Variants in PTPRN2 observed in about 807,000 individuals in gnomAD.
The protein encoded by PTPRN2 is protein tyrosine phosphatase receptor type N2.
In PTPRN2, 74 loss-of-function variants were observed where a neutral mutation model predicts 118.8. The ratio of observed to expected loss-of-function variants is 0.62; its 90% CI spans 0.52 to 0.76. The LOEUF (loss-of-function observed/expected upper bound fraction) is 0.76. PTPRN2 is among the 30% of genes least tolerant of loss of function. PTPRN2 has a pLI of 0.00. For missense variants in PTPRN2, 1,481 were observed against 1,394.4 expected, an observed-to-expected ratio of 1.06 and a Z score of -0.99; for synonymous variants, 641 against 608.0, an observed-to-expected ratio of 1.05 and a Z score of -0.80.
chr7:157,771,529 G>A (rs894300631), intron 12 of PTPRN2, among the ~76,000 whole-genome samples: 3 of 152,188 alleles, frequency 2.0e-5, no homozygotes, highest in African/African-American at 7.2e-5. Context: ...CTGGATCTGG[G>A]ACTCCACAGA....
At chr7:157,955,008 G>C (rs897201961) in intron 11 of PTPRN2, among the ~76,000 whole-genome samples, 1 of 152,128 alleles carries the variant, frequency 6.6e-6, no homozygotes, top group African/African-American at 2.4e-5. Context: ...TTGTTTCTGG[G>C]TAGTGTGGGA....
At chr7:157,555,364 A>T (rs1288549534) in intron 21 of PTPRN2, among the ~76,000 whole-genome samples, 3 of 152,222 alleles carry the variant, frequency 2.0e-5, no homozygotes, top group African/African-American at 7.2e-5. Flanking sequence ...ATCTGTCACA[A>T]TGAAAGAATC....
At chr7:158,297,381 G>A (rs954322734) in intron 3 of PTPRN2, among the ~76,000 whole-genome samples, 5 of 152,168 alleles carry the variant, frequency 3.3e-5, no homozygotes, top group African/African-American at 7.2e-5. Context: ...AAGGGAAGAC[G>A]CCCCTGGAGC....
rs535411569 is a variant in PTPRN2 at position 157,990,177 on chromosome 7, C to T, written c.1723+91121G>A. On this transcript the variant is annotated intron_variant, in intron 11 of 22. Coordinates refer to ENST00000389418, the MANE Select transcript of PTPRN2 (RefSeq NM_002847.5). The surrounding 1 kb of genome is among the most constrained non-coding windows in gnomAD (Gnocchi z 4.3). The stretch of plus-strand genomic sequence containing the variant: ...CTGGGGACACGAGTTAATGTGAGTG[C>T]GAGCCCAGGGCAGAGCGGGCCCAGA... Among the ~76,000 whole-genome samples the T allele has an allele frequency of 5.3e-5, 8 of 151,914 alleles. No homozygotes were observed. In the East Asian group the frequency reaches 1.4e-3, roughly 26 times the overall value.
At chr7:158,070,969 C>CCTGTGGT (rs1811351932) in intron 11 of PTPRN2, among the ~76,000 whole-genome samples, 1 of 16,634 alleles carries the variant, frequency 6.0e-5, no homozygotes, top group African/African-American at 3.8e-4. Flanking sequence ...GAGGTGCTCA[C>CCTGTGGT]GGTGGAGGTG....
intron 3 of PTPRN2, among the ~76,000 whole-genome samples, chr7:158,246,531 G>C (rs1234874260): frequency 3.3e-5 from 5 of 151,146 alleles, no homozygotes; most frequent in Admixed American, 3.3e-4. Context: ...CGTTTCACAA[G>C]TCACCGTGGG....
chr7:157,669,500 C>A, intron 13 of PTPRN2: 1 of 476,124 alleles, frequency 2.1e-6, no homozygotes, highest in South Asian at 1.5e-5. Context: ...TCTGCAGGCC[C>A]CTCCCCGCTC....
intron 12 of PTPRN2, among the ~76,000 whole-genome samples, chr7:157,837,293 G>T (rs1808038192): frequency 6.6e-6 from 1 of 150,722 alleles, no homozygotes; most frequent in African/African-American, 2.4e-5. Flanking sequence ...ACCACCACCT[G>T]TCCACCCACC....
chr7:157,798,191 G>T (rs761527263), intron 12 of PTPRN2, among the ~76,000 whole-genome samples: 1 of 152,194 alleles, frequency 6.6e-6, no homozygotes, highest in Non-Finnish European at 1.5e-5. Context: ...CCTGGGAGGC[G>T]GAGGTTGCAG....
chr7:158,341,622 C>G (rs1225476281), intron 2 of PTPRN2, among the ~76,000 whole-genome samples: 1 of 87,270 alleles, frequency 1.1e-5, no homozygotes, highest in African/African-American at 5.0e-5. Flanking sequence ...CACACTCTCA[C>G]CATAAGAGGT....
intron 13 of PTPRN2, among the ~76,000 whole-genome samples, chr7:157,663,798 C>T (rs772975025): frequency 7.2e-5 from 11 of 152,212 alleles, no homozygotes; most frequent in Non-Finnish European, 4.4e-5. Flanking sequence ...TTATAGTTTC[C>T]AAATTCATAA....
At chr7:157,623,485 A>G (rs975583419) in intron 14 of PTPRN2, among the ~76,000 whole-genome samples, 4 of 152,254 alleles carry the variant, frequency 2.6e-5, no homozygotes, top group Non-Finnish European at 4.4e-5. Context: ...GGGTTCTAAA[A>G]TGATGAACCC....
At chr7:158,522,399 G>A (rs1563390145) in intron 1 of PTPRN2, among the ~76,000 whole-genome samples, 7 of 143,540 alleles carry the variant, frequency 4.9e-5, no homozygotes, top group East Asian at 2.0e-4. Context: ...TCACAATGGT[G>A]GACTGTCCAG....
At chr7:157,804,845 C>G (rs1285919467) in intron 12 of PTPRN2, among the ~76,000 whole-genome samples, 3 of 152,242 alleles carry the variant, frequency 2.0e-5, no homozygotes, top group African/African-American at 7.2e-5. Flanking sequence ...TCTTCCCACC[C>G]TGCAGGTCTA....
intron 5 of PTPRN2, among the ~76,000 whole-genome samples, chr7:158,181,234 T>A (rs1272934135): frequency 6.6e-6 from 1 of 152,198 alleles, no homozygotes; most frequent in Non-Finnish European, 1.5e-5. Context: ...ATGTGACGTA[T>A]CACATTTACT....
chr7:158,386,518 C>T (rs1024714555), intron 2 of PTPRN2, among the ~76,000 whole-genome samples: 2 of 152,182 alleles, frequency 1.3e-5, no homozygotes, highest in Non-Finnish European at 2.9e-5. Flanking sequence ...TGCACTTTTC[C>T]AGGTAGCTTG....
chr7:158,389,800 G>T (rs1186592400), intron 2 of PTPRN2, among the ~76,000 whole-genome samples: 2 of 152,212 alleles, frequency 1.3e-5, no homozygotes, highest in African/African-American at 2.4e-5. Flanking sequence ...GCTCTCCTTT[G>T]TTCCTGGCCA....
rs565594164 is a variant in PTPRN2 at position 158,310,843 on chromosome 7, A to G, written c.277+5976T>C. Among the ~76,000 whole-genome samples the G allele has an allele frequency of 6.8e-3, 270 of 39,770 alleles. 20 individuals are homozygous for G. Among genetic ancestry groups the G allele is most frequent in the Middle Eastern group, 0.016 (1 of 64 alleles). 26.1% of individuals were successfully genotyped at this position (39,770 alleles called of 152,430 possible). A position where few individuals can be genotyped will look rare whatever the true frequency, so the allele number is the denominator to read the frequency against. On this transcript the variant is annotated intron_variant, in intron 3 of 22. Coordinates refer to ENST00000389418, the MANE Select transcript of PTPRN2 (RefSeq NM_002847.5). ...GCGAGCCCTGAGCCGGACAGAGCGC[A>G]AATCCCACGGAGGGCGAGCCCTGAG... is the stretch of plus-strand genomic sequence containing the variant.
At chr7:157,849,073 C>T (rs1809084818) in intron 12 of PTPRN2, among the ~76,000 whole-genome samples, 1 of 152,136 alleles carries the variant, frequency 6.6e-6, no homozygotes, top group African/African-American at 2.4e-5. Flanking sequence ...GCGTGGCTGG[C>T]GTCCAGGACC....
Sources: allele counts gnomAD v4.1 joint callset (sites outside exome capture counted in the v4.1 genomes callset), GRCh38; gene constraint gnomAD v4.1.1; non-coding constraint Gnocchi (gnomAD v3.1); transcripts MANE v1.5; gene names NCBI Gene and HGNC (gene_info 2026-07-23, HGNC 2026-07-21).